DDX10: variants seen among roughly 807,000 people sequenced by gnomAD.
DDX10 encodes the protein probable ATP-dependent RNA helicase DDX10.
DDX10 carries 74 observed loss-of-function variants against 104.3 expected under a neutral mutation model. The ratio of observed to expected loss-of-function variants is 0.71; its 90% CI spans 0.59 to 0.86. The LOEUF (loss-of-function observed/expected upper bound fraction) is 0.86. Among genes scored for constraint, DDX10 ranks in the 40% least tolerant of loss-of-function variants. DDX10 has a pLI of 0.00. For missense variants in DDX10, 952 were observed against 1,040.0 expected, an observed-to-expected ratio of 0.92 and a Z score of 1.16; for synonymous variants, 351 against 353.4, an observed-to-expected ratio of 0.99 and a Z score of 0.08.
At chr11:108,824,892 C>G (rs1485165889) in intron 13 of DDX10, among the ~76,000 whole-genome samples, 1 of 151,974 alleles carries the variant, frequency 6.6e-6, no homozygotes, top group African/African-American at 2.4e-5. Context: ...GGAAAATGTC[C>G]TAAGGTAGTA....
intron 16 of DDX10, among the ~76,000 whole-genome samples, chr11:108,888,356 C>A (rs1214624593): frequency 6.6e-6 from 1 of 152,042 alleles, no homozygotes; most frequent in Non-Finnish European, 1.5e-5. Context: ...AATATATATT[C>A]CCCCCTTCCA....
At chr11:108,853,320 A>G (rs995339550) in intron 16 of DDX10, among the ~76,000 whole-genome samples, 5 of 152,220 alleles carry the variant, frequency 3.3e-5, no homozygotes, top group Non-Finnish European at 5.9e-5. Flanking sequence ...TAATAAAAGC[A>G]TTTGATATTT....
chr11:108,908,640 T>A (rs897837935), intron 16 of DDX10, among the ~76,000 whole-genome samples: 1 of 152,210 alleles, frequency 6.6e-6, no homozygotes, highest in Non-Finnish European at 1.5e-5. Context: ...AATTAGGAAA[T>A]TTGTTTTAAA....
chr11:108,720,022 C>T (rs2094296339), intron 12 of DDX10, 137 bp downstream of exon 12: 3 of 647,636 alleles, frequency 4.6e-6, no homozygotes. Context: ...CCCACCTCAA[C>T]TTCCTGAAGT....
intron 13 of DDX10, among the ~76,000 whole-genome samples, chr11:108,774,794 G>A (rs1008893399): frequency 2.6e-5 from 4 of 152,008 alleles, no homozygotes; most frequent in Non-Finnish European, 5.9e-5. Flanking sequence ...ACCGTTCTCC[G>A]GTATGCTTTG....
At chr11:108,725,880 A>T (rs971499285) in intron 13 of DDX10, among the ~76,000 whole-genome samples, 1 of 151,840 alleles carries the variant, frequency 6.6e-6, no homozygotes, top group Non-Finnish European at 1.5e-5. Context: ...ATTTTCTCCT[A>T]TGTTCTCGTC....
chr11:108,798,722 GT>G (rs1384663977), intron 13 of DDX10, among the ~76,000 whole-genome samples: 1 of 152,142 alleles, frequency 6.6e-6, no homozygotes, highest in African/African-American at 2.4e-5. Context: ...AGTGTATTTG[GT>G]GTCTGAGAAG....
At chr11:108,783,140 T>C (rs1861729996) in intron 13 of DDX10, among the ~76,000 whole-genome samples, 1 of 152,198 alleles carries the variant, frequency 6.6e-6, no homozygotes, top group East Asian at 1.9e-4. Context: ...TACCAAAATA[T>C]TAGAATTGTT....
intron 17 of DDX10, chr11:108,921,755 C>G (rs12287136): frequency 1.3e-5 from 2 of 151,940 alleles, no homozygotes; most frequent in African/African-American, 4.8e-5. Flanking sequence ...GTCACGAGAT[C>G]GAGACCATCT....
At chr11:108,823,004 T>TA (rs759521224) in intron 13 of DDX10, among the ~76,000 whole-genome samples, 2 of 152,364 alleles carry the variant, frequency 1.3e-5, no homozygotes, top group South Asian at 2.1e-4. Flanking sequence ...ACTTTGCTGA[T>TA]ACTGTCTATG....
Position 108,753,165 on chromosome 11 carries a change from A to G in DDX10, c.1965+29703A>G, listed in dbSNP as rs561805273. Among the ~76,000 whole-genome samples, 4 of 152,248 alleles carry G rather than the reference A, an allele frequency of 2.6e-5. No homozygotes were observed. In the South Asian group the frequency reaches 8.3e-4, roughly 32 times the overall value. Reference sequence around the variant, plus strand: ...ATGTGTGTTTAATTGTTTTCTACAGATGAACTAACAGCAAGACTGAGTGCT... The same window carrying G: ...ATGTGTGTTTAATTGTTTTCTACAGGTGAACTAACAGCAAGACTGAGTGCT... On this transcript the variant is annotated intron_variant, in intron 13 of 17. Transcript: ENST00000322536.
chr11:108,837,607 CTT>C (rs142381520), intron 13 of DDX10, among the ~76,000 whole-genome samples: 58 of 34,714 alleles, frequency 1.7e-3, no homozygotes, highest in East Asian at 2.3e-3. Context: ...TTGGATACAG[CTT>C]TTTTTTTTTT....
intron 13 of DDX10, among the ~76,000 whole-genome samples, chr11:108,780,368 T>C (rs1019546936): frequency 2.0e-5 from 3 of 152,172 alleles, no homozygotes; most frequent in African/African-American, 4.8e-5. Context: ...TCTCTTGAGT[T>C]TGCACATCTA....
chr11:108,736,236 C>T (rs1367749635), intron 13 of DDX10, among the ~76,000 whole-genome samples: 2 of 149,556 alleles, frequency 1.3e-5, no homozygotes, highest in Admixed American at 1.3e-4. Flanking sequence ...ATAATAAAAC[C>T]TCATTCTGTA....
At chr11:108,670,449 C>T (rs921484334) in intron 1 of DDX10, among the ~76,000 whole-genome samples, 1 of 152,126 alleles carries the variant, frequency 6.6e-6, no homozygotes, top group Non-Finnish European at 1.5e-5. Flanking sequence ...AGTCACTGAT[C>T]CAAAATTGTC....
At chr11:108,896,850 T>G (rs1863448108) in intron 16 of DDX10, among the ~76,000 whole-genome samples, 1 of 151,886 alleles carries the variant, frequency 6.6e-6, no homozygotes, top group African/African-American at 2.4e-5. Flanking sequence ...AGAAACTAAG[T>G]GTTTCAGTTG....
intron 16 of DDX10, among the ~76,000 whole-genome samples, chr11:108,865,029 A>G (rs1591101408): frequency 6.6e-6 from 1 of 152,210 alleles, no homozygotes; most frequent in Non-Finnish European, 1.5e-5. Flanking sequence ...TATGAGAGGT[A>G]TGTTGCCAAG....
chr11:108,706,818 G>A lies in DDX10; in HGVS notation c.1303G>A (p.Val435Ile), dbSNP rs1321457279. Residue 435 changes from valine to isoleucine, a missense_variant, in exon 10 of 18, where the codon GTA (valine) becomes ATA (isoleucine). By Grantham distance (29) the Val-to-Ile change is conservative. Coordinates refer to ENST00000322536, the MANE Select transcript of DDX10 (RefSeq NM_004398.4). ...AMVQQLLQKKVPVKEIKINPE... is the reference protein window; with the variant it reads ...AMVQQLLQKKIPVKEIKINPE... Reference sequence around the variant, plus strand: ...GGTGCAGCAGCTTCTTCAGAAGAAAGTACCTGTGAAGGAAATCAAGTAAGA... The same window carrying A: ...GGTGCAGCAGCTTCTTCAGAAGAAAATACCTGTGAAGGAAATCAAGTAAGA... The A allele has an allele frequency of 6.2e-7, 1 of 1,613,916 alleles. No individual in the cohort carries two copies. The highest frequency in any genetic ancestry group is 1.7e-5 in the Admixed American group (1 of 60,018).
chr11:108,677,594 G>A (rs2094227502), intron 4 of DDX10, among the ~76,000 whole-genome samples: 1 of 151,396 alleles, frequency 6.6e-6, no homozygotes, highest in African/African-American at 2.4e-5. Flanking sequence ...ATAATTCAGA[G>A]GATTGCTACA....
Sources: allele counts gnomAD v4.1 joint callset (sites outside exome capture counted in the v4.1 genomes callset), GRCh38; gene constraint gnomAD v4.1.1; transcripts MANE v1.5; gene names NCBI Gene and HGNC (gene_info 2026-07-23, HGNC 2026-07-21).